Variants in FGF12 observed in about 807,000 individuals in gnomAD.
FGF12 encodes the protein fibroblast growth factor 12B.
Under a neutral mutation model 23.6 loss-of-function variants are expected in FGF12, and 14 were observed. The observed-to-expected ratio is 0.59, with a 90% CI of 0.39 to 0.93. The LOEUF (loss-of-function observed/expected upper bound fraction) is 0.93, where lower values mean the gene tolerates loss of function less well. Among genes scored for constraint, FGF12 ranks in the 40% least tolerant of loss-of-function variants. The pLI, the probability that FGF12 is intolerant of heterozygous loss-of-function variation, is 0.00. For missense variants in FGF12, 175 were observed against 217.8 expected (o/e 0.80, Z 1.24); for synonymous variants, 62 against 77.3 (o/e 0.80, Z 1.04).
chr3:192,565,766 T>C (rs1712244841), intron 2 of FGF12, among the ~76,000 whole-genome samples: 1 of 152,130 alleles, frequency 6.6e-6, no homozygotes, highest in Non-Finnish European at 1.5e-5. Flanking sequence ...ACAATGAATT[T>C]CTCAGAACAT....
intron 5 of FGF12, among the ~76,000 whole-genome samples, chr3:192,166,517 G>T (rs1715169985): frequency 6.6e-6 from 1 of 152,236 alleles, no homozygotes; most frequent in African/African-American, 2.4e-5. Flanking sequence ...TTAAGAACTT[G>T]ATTGTTCAAG....
At chr3:192,293,444 CCAT>C (rs1714870006) in intron 4 of FGF12, among the ~76,000 whole-genome samples, 1 of 152,178 alleles carries the variant, frequency 6.6e-6, no homozygotes. Flanking sequence ...ACATACCTTT[CCAT>C]CGTCACATCC....
rs775616210 is a variant in FGF12 at position 192,233,768 on chromosome 3, C to T, written c.229-63112G>A. ...GTTTCAGTCTTCGGCATATGGCTAGCGAGTGATCCCAGCACCATTTACTGA... is the reference window on the plus strand; with the variant it reads ...GTTTCAGTCTTCGGCATATGGCTAGTGAGTGATCCCAGCACCATTTACTGA... On this transcript the variant is annotated intron_variant, in intron 4 of 5. Coordinates refer to ENST00000445105, the MANE Select transcript of FGF12 (RefSeq NM_004113.6). 3.3e-5 allele frequency among the ~76,000 whole-genome samples: 5 copies of T among 152,148 alleles called. No individual in the cohort carries two copies. In the East Asian group the frequency reaches 5.8e-4, roughly 18 times the overall value.
rs79680083 is a variant in FGF12, at chr3:192,471,927, T to G, written c.14-111389A>C. 3.1e-3 allele frequency among the ~76,000 whole-genome samples: 473 copies of G among 152,336 alleles called. 3 individuals are homozygous for G. Among genetic ancestry groups the G allele is most frequent in the African/African-American group, 0.011 (466 of 41,584 alleles). On this transcript the variant is annotated intron_variant, in intron 2 of 5. Coordinates refer to ENST00000445105, the MANE Select transcript of FGF12 (RefSeq NM_004113.6). ...GTAAGCAACTGCAACAGAAGATTTT[T>G]AAGGGGAAGAGTATGTTATCAAGTA... is the stretch of plus-strand genomic sequence containing the variant.
At chr3:192,306,180 AAC>A (rs1715641006) in intron 4 of FGF12, among the ~76,000 whole-genome samples, 1 of 152,112 alleles carries the variant, frequency 6.6e-6, no homozygotes, top group Non-Finnish European at 1.5e-5. Flanking sequence ...TGTACACAAA[AAC>A]ACACAGTTGG....
intron 2 of FGF12, among the ~76,000 whole-genome samples, chr3:192,631,300 T>C (rs1305199794): frequency 1.3e-5 from 2 of 152,226 alleles, no homozygotes; most frequent in African/African-American, 2.4e-5. Flanking sequence ...TGTCTGGATA[T>C]TTGAGACTAA....
chr3:192,348,456 G>T (rs1297779609), intron 3 of FGF12, among the ~76,000 whole-genome samples: 1 of 152,076 alleles, frequency 6.6e-6, no homozygotes, highest in East Asian at 1.9e-4. Flanking sequence ...TTGTATAATG[G>T]TTTATTATCT....
intron 2 of FGF12, among the ~76,000 whole-genome samples, chr3:192,440,278 A>G (rs1169997536): frequency 6.6e-6 from 1 of 152,188 alleles, no homozygotes; most frequent in African/African-American, 2.4e-5. Flanking sequence ...TAAATGAAAA[A>G]CACTGCATTT....
chr3:192,456,262 T>G (rs1454969922), intron 2 of FGF12, among the ~76,000 whole-genome samples: 1 of 152,238 alleles, frequency 6.6e-6, no homozygotes, highest in African/African-American at 2.4e-5. Flanking sequence ...CTTTCTACTT[T>G]CAGGATTATG....
chr3:192,426,408 C>A (rs1252464395), intron 2 of FGF12, among the ~76,000 whole-genome samples: 1 of 152,126 alleles, frequency 6.6e-6, no homozygotes, highest in East Asian at 1.9e-4. Flanking sequence ...TCTTTACTCA[C>A]CTAAAATTGA....
chr3:192,433,191 A>C (rs141919888), intron 2 of FGF12, among the ~76,000 whole-genome samples: 36 of 152,310 alleles, frequency 2.4e-4, no homozygotes, highest in African/African-American at 8.4e-4. Context: ...TGTGCTGAGA[A>C]AACAGAATCA....
chr3:192,257,878 G>T (rs1449144951), intron 4 of FGF12, among the ~76,000 whole-genome samples: 4 of 151,902 alleles, frequency 2.6e-5, no homozygotes, highest in Admixed American at 2.0e-4. Context: ...ACTTCGGCTT[G>T]ACTTCTGAGA....
rs9817944 is a variant in FGF12, at chr3:192,452,651, C to A, written c.14-92113G>T. ...CCAGGGAACACTACACAAACTAAAT[C>A]CTATGTGAATCACACCCCTCTGGAG... On this transcript the variant is annotated intron_variant, in intron 2 of 5. Transcript: ENST00000445105. Among the ~76,000 whole-genome samples the A allele has an allele frequency of 8.8e-3, 1,340 of 152,290 alleles. 17 individuals are homozygous for A. Among genetic ancestry groups the A allele is most frequent in the African/African-American group, 0.03 (1,230 of 41,560 alleles).
intron 4 of FGF12, among the ~76,000 whole-genome samples, chr3:192,272,509 C>A (rs1409831330): frequency 1.3e-5 from 2 of 152,158 alleles, no homozygotes; most frequent in Admixed American, 1.3e-4. Context: ...CAGCAAATTA[C>A]AAACCACTCC....
At chr3:192,685,491 C>T (rs1206614129) in intron 2 of FGF12, among the ~76,000 whole-genome samples, 2 of 152,320 alleles carry the variant, frequency 1.3e-5, no homozygotes, top group East Asian at 3.9e-4. Context: ...ACCCCAGTTC[C>T]TGTTCTCCAA....
chr3:192,640,228 A>G (rs1248719829), intron 2 of FGF12, among the ~76,000 whole-genome samples: 1 of 152,136 alleles, frequency 6.6e-6, no homozygotes, highest in African/African-American at 2.4e-5. Flanking sequence ...ACAAAAAACC[A>G]TGGGCAACGA....
chr3:192,215,558 A>G (rs1718150114), intron 4 of FGF12, among the ~76,000 whole-genome samples: 1 of 152,204 alleles, frequency 6.6e-6, no homozygotes, highest in Non-Finnish European at 1.5e-5. Flanking sequence ...CCAAAAAGCC[A>G]TAAATTCAAT....
chr3:192,510,824 C>A (rs969660585), intron 2 of FGF12, among the ~76,000 whole-genome samples: 1 of 152,002 alleles, frequency 6.6e-6, no homozygotes, highest in Non-Finnish European at 1.5e-5. Context: ...ATGAAAAGAC[C>A]TGGAGGAAAC....
intron 2 of FGF12, among the ~76,000 whole-genome samples, chr3:192,444,631 C>T (rs1477855117): frequency 1.3e-5 from 2 of 152,202 alleles, no homozygotes; most frequent in Middle Eastern, 3.2e-3. Flanking sequence ...CAGATTCTCT[C>T]AGCTTCTAGA....
Sources: gnomAD v4.1 joint callset for allele counts (sites outside exome capture counted in the v4.1 genomes callset) on GRCh38, gnomAD v4.1.1 for gene constraint, MANE v1.5 for transcripts, NCBI Gene and HGNC (gene_info 2026-07-23, HGNC 2026-07-21) for gene names.